Variants in NEURL1B observed in about 807,000 individuals in gnomAD.
NEURL1B encodes neuralized E3 ubiquitin protein ligase 1B.
A neutral mutation model predicts 37.4 loss-of-function variants in NEURL1B; 13 were observed. The observed-to-expected ratio is 0.35, with a 90% confidence interval of 0.23 to 0.55. The LOEUF (loss-of-function observed/expected upper bound fraction) is 0.55. Ranked by LOEUF, NEURL1B falls within the 20% of genes least tolerant of loss-of-function variation. The probability of loss-of-function intolerance (pLI) is 0.89; values close to 1 mark genes in which losing one functional copy is unlikely to be tolerated. For synonymous variants in NEURL1B, 432 were observed against 426.6 expected (o/e 1.01, Z -0.16); for missense variants, 790 against 879.2 (o/e 0.90, Z 1.28).
At chr5:172,653,260 C>T (rs1757702321) in intron 1 of NEURL1B, among the ~76,000 whole-genome samples, 1 of 152,178 alleles carries the variant, frequency 6.6e-6, no homozygotes, top group African/African-American at 2.4e-5. Flanking sequence ...TACTGAGAAA[C>T]TTCCTTTAGC....
intron 1 of NEURL1B, among the ~76,000 whole-genome samples, chr5:172,654,513 G>A (rs1757726964): frequency 6.6e-6 from 1 of 151,792 alleles, no homozygotes; most frequent in African/African-American, 2.4e-5. Flanking sequence ...ATTATCAGTG[G>A]TTAATGTTAA....
At chr5:172,642,198 A>G (rs1235588239) in intron 1 of NEURL1B, among the ~76,000 whole-genome samples, 3 of 152,204 alleles carry the variant, frequency 2.0e-5, no homozygotes, top group Non-Finnish European at 2.9e-5. Flanking sequence ...AGCACTTTGC[A>G]TACCCCAGCT....
rs149912229 is a variant in NEURL1B at position 172,678,026 on chromosome 5, C to T, written c.578-5393C>T. Among the ~76,000 whole-genome samples the T allele has an allele frequency of 1.9e-3, 292 of 152,166 alleles. 2 individuals carry two copies. The highest frequency in any genetic ancestry group is 6.5e-3 in the African/African-American group (270 of 41,504). On this transcript the variant is annotated intron_variant, in intron 2 of 4. Transcript: ENST00000369800. ...ATCCTGGGCCCACTACCGGGCCCCT[C>T]GCTTTCAGCCCAGGTGACCTCTCCC...
chr5:172,686,233 G>A lies in NEURL1B; in HGVS notation c.1360G>A (p.Asp454Asn), dbSNP rs532298637. 6 of 1,551,678 alleles carry A rather than the reference G, an allele frequency of 3.9e-6. No homozygotes were observed. The highest frequency in any genetic ancestry group is 4.9e-5 in the East Asian group (2 of 40,916). Residue 454 changes from aspartate (D) to asparagine (N), a missense_variant, in exon 4 of 5, where the codon GAT (aspartate) becomes AAT (asparagine). Asp to Asn is a conservative substitution (Grantham distance 23). Transcript: ENST00000369800. The surrounding 1 kb of genome is among the most constrained non-coding windows in gnomAD (Gnocchi z 7.9). Reference sequence around the variant, plus strand: ...AGGGTCCCTCAGCGGCTCCCAGGACGATAGTGATTCAGATATGACCTTCAG... The same window carrying A: ...AGGGTCCCTCAGCGGCTCCCAGGACAATAGTGATTCAGATATGACCTTCAG... ...PSGSLSGSQDDSDSDMTFSVN... is the reference protein window; with the variant it reads ...PSGSLSGSQDNSDSDMTFSVN...
At chr5:172,656,686 T>G in intron 1 of NEURL1B, 7 of 1,484,642 alleles carry the variant, frequency 4.7e-6, no homozygotes, top group East Asian at 2.3e-5. Context: ...TTCAGTGGCT[T>G]CTTCTTGCCA....
chr5:172,678,640 G>A (rs1482544997), intron 2 of NEURL1B, among the ~76,000 whole-genome samples: 1 of 151,398 alleles, frequency 6.6e-6, no homozygotes, highest in African/African-American at 2.4e-5. Context: ...CCACCCCCTT[G>A]GTTGGCCATT....
At position 172,683,566 on chromosome 5, in the gene NEURL1B, C is replaced by A; in HGVS notation, c.725C>A (p.Ala242Glu). 2 of 1,432,844 alleles carry A rather than the reference C, an allele frequency of 1.4e-6. No homozygotes were observed. The highest frequency in any genetic ancestry group is 1.9e-4 in the Middle Eastern group (1 of 5,230). 88.8% of individuals were successfully genotyped at this position (1,432,844 alleles called of 1,614,324 possible). A position where few individuals can be genotyped will look rare whatever the true frequency, so the allele number is the denominator to read the frequency against. ...NQVVAKLGHL[A>E]LGRAPGPPPA... ...GTGGTGGCCAAGCTGGGCCACCTGG[C>A]GCTGGGCCGCGCCCCGGGCCCACCG... Residue 242 changes from alanine (A) to glutamate (E), a missense_variant, in exon 3 of 5, where the codon GCG becomes GAG. This residue lies in a region of NEURL1B where 460 missense variants were observed against 407.4 expected (regional missense o/e 1.13). Coordinates refer to ENST00000369800, the MANE Select transcript of NEURL1B (RefSeq NM_001142651.3). The surrounding 1 kb of genome is among the most constrained non-coding windows in gnomAD (Gnocchi z 5.6).
At position 172,683,003 on chromosome 5, in the gene NEURL1B, T is replaced by C. The variant is rs964622509; in HGVS notation, c.578-416T>C. On this transcript the variant is annotated intron_variant, in intron 2 of 4. Transcript: ENST00000369800. This position sits in a 1 kb window ranked among gnomAD's most constrained non-coding sequence, Gnocchi z 5.6. The stretch of plus-strand genomic sequence containing the variant: ...GCCACGAGTACAGGTTTGCTCTTTT[T>C]ATTGGAGCTTATGTTCTAGTTGGGG... Among the ~76,000 whole-genome samples, 1 of 152,202 alleles carries C rather than the reference T, an allele frequency of 6.6e-6. No individual in the cohort carries two copies. Among genetic ancestry groups the C allele is most frequent in the Admixed American group, 6.5e-5 (1 of 15,288 alleles).
rs944409311 is a variant in NEURL1B, at chr5:172,641,780, G to C, written c.31+343G>C. Among the ~76,000 whole-genome samples the C allele has an allele frequency of 2.6e-5, 4 of 152,224 alleles. No homozygotes were observed. Among genetic ancestry groups the C allele is most frequent in the African/African-American group, 9.6e-5 (4 of 41,468 alleles). On this transcript the variant is annotated intron_variant, in intron 1 of 4. Coordinates refer to ENST00000369800, the MANE Select transcript of NEURL1B (RefSeq NM_001142651.3). The surrounding 1 kb of genome is among the most constrained non-coding windows in gnomAD (Gnocchi z 6.4). Reference sequence around the variant, plus strand: ...TGAGCAAACTCAAGGCGACCTGGGTGGGGGTGACTGGAGCCGGGCTCGCCA... The same window carrying C: ...TGAGCAAACTCAAGGCGACCTGGGTCGGGGTGACTGGAGCCGGGCTCGCCA...
chr5:172,659,258 G>A (rs1757851983), intron 1 of NEURL1B, among the ~76,000 whole-genome samples: 2 of 152,174 alleles, frequency 1.3e-5, no homozygotes, highest in Admixed American at 6.5e-5. Flanking sequence ...AGGGGAACTT[G>A]GGCCAGTGGG....
In NEURL1B at chr5:172,687,677, C is replaced by T. The variant is rs1463491464; in HGVS notation, c.*752C>T. ...TGTCATCTTTTCACCCCTTCACCCC[C>T]AGACTGTCTAATAATACACACATCA... On this transcript the variant is annotated 3_prime_UTR_variant, in exon 5 of 5. Coordinates refer to ENST00000369800, the MANE Select transcript of NEURL1B (RefSeq NM_001142651.3). 1 of 152,262 alleles carries T rather than the reference C, an allele frequency of 6.6e-6. No individual in the cohort carries two copies. Among genetic ancestry groups the T allele is most frequent in the Non-Finnish European group, 1.5e-5 (1 of 68,126 alleles). 9.4% of individuals were successfully genotyped at this position (152,262 alleles called of 1,614,324 possible). A position where few individuals can be genotyped will look rare whatever the true frequency, so the allele number is the denominator to read the frequency against.
At chr5:172,669,696 T>C (rs1228175145) in intron 1 of NEURL1B, 89 bp from the exon 2 acceptor site, 1 of 1,006,482 alleles carries the variant, frequency 9.9e-7, no homozygotes, top group Non-Finnish European at 1.3e-6. Flanking sequence ...AAATGGAATT[T>C]CAAATGAAAA....
At chr5:172,664,368 A>C (rs1757968187) in intron 1 of NEURL1B, among the ~76,000 whole-genome samples, 1 of 152,148 alleles carries the variant, frequency 6.6e-6, no homozygotes, top group Admixed American at 6.5e-5. Context: ...CATGTGTCAA[A>C]AAAAATCCAG....
intron 2 of NEURL1B, among the ~76,000 whole-genome samples, chr5:172,679,426 A>G (rs1375152976): frequency 1.3e-5 from 2 of 152,242 alleles, no homozygotes; most frequent in African/African-American, 4.8e-5. Context: ...AGCCACCGGT[A>G]GAAGCTGGGC....
At chr5:172,681,922 TA>T (rs1468801392) in intron 2 of NEURL1B, among the ~76,000 whole-genome samples, 1 of 152,230 alleles carries the variant, frequency 6.6e-6, no homozygotes, top group Non-Finnish European at 1.5e-5. Flanking sequence ...TTTGTATCAC[TA>T]AAAAACACCT....
At chr5:172,671,492 C>A (rs565090097) in intron 2 of NEURL1B, among the ~76,000 whole-genome samples, 2 of 152,342 alleles carry the variant, frequency 1.3e-5, no homozygotes, top group South Asian at 4.1e-4. Context: ...AGCCACTGTT[C>A]TGATTTTTCA....
In NEURL1B at chr5:172,684,092, C is replaced by T. The variant is rs952423954; in HGVS notation, c.1251C>T (p.Ala417=). 7.8e-7 allele frequency: 1 copy of T among 1,286,434 alleles called. No individual in the cohort carries two copies. The highest frequency in any genetic ancestry group is 4.2e-5 in the Admixed American group (1 of 24,056). The allele number at this position is 1,286,434 out of a possible 1,614,324, so 79.7% of individuals were successfully genotyped here. A position where few individuals can be genotyped will look rare whatever the true frequency, so the allele number is the denominator to read the frequency against. The change falls in exon 3 of 5, where the codon GCC becomes GCT. Residue 417 remains alanine, a synonymous_variant. Transcript: ENST00000369800. ...TCGACACCACGCAGGCGCTCTGGGC[C>T]TTCTTCGCCGTGCGCGGCGGCGTCG... ...LCVDTTQALW[A]FFAVRGGVAG...
rs1758225959 is a variant in NEURL1B at position 172,675,968 on chromosome 5, C to A, written c.577+5638C>A. ...CAGGCCCTGTGCTTTTTTGAGGCAGCCCTGCCCTCCTTCCTAGGCAGCTCC... is the reference window on the plus strand; with the variant it reads ...CAGGCCCTGTGCTTTTTTGAGGCAGACCTGCCCTCCTTCCTAGGCAGCTCC... On this transcript the variant is annotated intron_variant, in intron 2 of 4. Coordinates refer to ENST00000369800, the MANE Select transcript of NEURL1B (RefSeq NM_001142651.3). This position sits in a 1 kb window ranked among gnomAD's most constrained non-coding sequence, Gnocchi z 4.7. Among the ~76,000 whole-genome samples the A allele has an allele frequency of 6.6e-6, 1 of 152,130 alleles. No homozygotes were observed. The highest frequency in any genetic ancestry group is 2.4e-5 in the African/African-American group (1 of 41,408).
At chr5:172,679,770 C>T (rs1267902772) in intron 2 of NEURL1B, among the ~76,000 whole-genome samples, 1 of 152,248 alleles carries the variant, frequency 6.6e-6, no homozygotes, top group Non-Finnish European at 1.5e-5. Flanking sequence ...TTCTCTGTGC[C>T]TGGAGAACCT....
Sources: allele counts gnomAD v4.1 joint callset (sites outside exome capture counted in the v4.1 genomes callset), GRCh38; gene constraint gnomAD v4.1.1; regional missense constraint gnomAD v4.1.1; non-coding constraint Gnocchi (gnomAD v3.1); transcripts MANE v1.5; gene names NCBI Gene and HGNC (gene_info 2026-07-23, HGNC 2026-07-21).